Variants in KCNT2 observed in about 807,000 individuals in gnomAD.
KCNT2 encodes potassium sodium-activated channel subfamily T member 2, also known as potassium channel subfamily T member 2.
KCNT2 carries 67 observed loss-of-function variants against 153.8 expected under a neutral mutation model. That is an observed-to-expected ratio of 0.44 (90% CI 0.36 to 0.53). The LOEUF (loss-of-function observed/expected upper bound fraction) is 0.53. KCNT2 is among the 20% of genes least tolerant of loss of function. The pLI, the probability that KCNT2 is intolerant of heterozygous loss-of-function variation, is 0.00. For missense variants in KCNT2, 975 were observed against 1,354.8 expected, an observed-to-expected ratio of 0.72 and a Z score of 4.40; for synonymous variants, 500 against 458.8, an observed-to-expected ratio of 1.09 and a Z score of -1.15.
intron 12 of KCNT2, among the ~76,000 whole-genome samples, chr1:196,412,203 T>C (rs1170757171): frequency 1.3e-5 from 2 of 151,774 alleles, no homozygotes; most frequent in African/African-American, 4.8e-5. Context: ...GTTCTCTTTT[T>C]AATAATTTTC....
At chr1:196,319,182 C>A (rs1367942180) in intron 20 of KCNT2, among the ~76,000 whole-genome samples, 1 of 151,662 alleles carries the variant, frequency 6.6e-6, no homozygotes, top group Non-Finnish European at 1.5e-5. Context: ...TTAGTTTTCT[C>A]TACCACTATG....
intron 1 of KCNT2, among the ~76,000 whole-genome samples, chr1:196,521,976 A>G (rs576059178): frequency 2.6e-5 from 4 of 152,226 alleles, no homozygotes; most frequent in Admixed American, 6.5e-5. Flanking sequence ...ATTAAATTAT[A>G]AAATAAAGAT....
chr1:196,606,515 A>G (rs922702935), intron 1 of KCNT2, among the ~76,000 whole-genome samples: 1 of 152,234 alleles, frequency 6.6e-6, no homozygotes, highest in Non-Finnish European at 1.5e-5. Flanking sequence ...AATTTTAACC[A>G]TTCTGCAAAA....
At chr1:196,399,707 C>T (rs1402523548) in intron 12 of KCNT2, among the ~76,000 whole-genome samples, 2 of 151,776 alleles carry the variant, frequency 1.3e-5, no homozygotes, top group Non-Finnish European at 2.9e-5. Context: ...CCCAAATTTA[C>T]ATGTTGAAAT....
rs528502364 is a variant in KCNT2, at chr1:196,428,747, A to G, written c.820-478T>C. On this transcript the variant is annotated intron_variant, in intron 9 of 27. Transcript: ENST00000294725. ...CAGGAAGAAAGACATGCATGAATTT[A>G]TCGGAGCAGGAAGGCCATTTTTGCA... Among the ~76,000 whole-genome samples the G allele has an allele frequency of 3.9e-5, 6 of 152,220 alleles. No homozygotes were observed. The East Asian group carries it at 7.8e-4, about 20-fold the overall frequency.
intron 1 of KCNT2, among the ~76,000 whole-genome samples, chr1:196,552,948 A>T (rs908056990): frequency 2.0e-5 from 3 of 151,354 alleles, no homozygotes; most frequent in African/African-American, 7.3e-5. Context: ...GCAGGAAATT[A>T]AAGCATACCA....
chr1:196,262,964 T>C (rs1295657182), intron 25 of KCNT2, among the ~76,000 whole-genome samples: 1 of 152,074 alleles, frequency 6.6e-6, no homozygotes, highest in Non-Finnish European at 1.5e-5. Context: ...ACACAAAATT[T>C]ATAAGAACCT....
At chr1:196,433,555 T>C (rs1014221650) in intron 8 of KCNT2, among the ~76,000 whole-genome samples, 1 of 152,088 alleles carries the variant, frequency 6.6e-6, no homozygotes, top group Admixed American at 6.6e-5. Flanking sequence ...GAGAAAATTA[T>C]TGAATTTACA....
intron 14 of KCNT2, among the ~76,000 whole-genome samples, chr1:196,365,986 T>G (rs991423371): frequency 3.3e-5 from 5 of 151,984 alleles, no homozygotes; most frequent in African/African-American, 7.2e-5. Context: ...TTAAATGGGG[T>G]TTATATGGTC....
At chr1:196,579,441 G>T (rs889752032) in intron 1 of KCNT2, among the ~76,000 whole-genome samples, 4 of 151,918 alleles carry the variant, frequency 2.6e-5, no homozygotes, top group Non-Finnish European at 5.9e-5. Flanking sequence ...GTTTACCTAT[G>T]TGACAAACAT....
chr1:196,425,141 A>G (rs1388086759), intron 11 of KCNT2, among the ~76,000 whole-genome samples: 1 of 152,012 alleles, frequency 6.6e-6, no homozygotes, highest in Non-Finnish European at 1.5e-5. Flanking sequence ...TCTGAAACTA[A>G]GGAGACTGTT....
intron 3 of KCNT2, among the ~76,000 whole-genome samples, chr1:196,489,054 A>G (rs972807118): frequency 1.3e-5 from 2 of 151,916 alleles, no homozygotes; most frequent in Non-Finnish European, 2.9e-5. Flanking sequence ...CAAGTCAAAA[A>G]AGTGTGGGTT....
Position 196,356,618 on chromosome 1 carries a change from A to C in KCNT2, c.1404-14390T>G, listed in dbSNP as rs980435274. Among the ~76,000 whole-genome samples the C allele has an allele frequency of 2.0e-5, 3 of 151,972 alleles. No homozygotes were observed. In the East Asian group the frequency reaches 5.8e-4, roughly 29 times the overall value. ...CATTTACTACCCTATTATTGTAGGT[A>C]CTACCTATTGACCTCCTCCTGTAAG... On this transcript the variant is annotated intron_variant, in intron 14 of 27. Transcript: ENST00000294725.
chr1:196,549,921 T>C (rs551410685), intron 1 of KCNT2, among the ~76,000 whole-genome samples: 7 of 151,888 alleles, frequency 4.6e-5, no homozygotes, highest in African/African-American at 1.7e-4. Context: ...TAAGCAGAAA[T>C]AGGCTGAGAA....
At chr1:196,459,386 T>C (rs1294762920) in intron 8 of KCNT2, among the ~76,000 whole-genome samples, 3 of 147,680 alleles carry the variant, frequency 2.0e-5, no homozygotes, top group African/African-American at 7.5e-5. Context: ...CAGACAAAAG[T>C]AAAATAGAAA....
intron 26 of KCNT2, among the ~76,000 whole-genome samples, chr1:196,245,780 A>C (rs940891237): frequency 6.6e-6 from 1 of 152,180 alleles, no homozygotes; most frequent in Non-Finnish European, 1.5e-5. Flanking sequence ...AAAACTGGCT[A>C]TATGAAAGTA....
intron 1 of KCNT2, among the ~76,000 whole-genome samples, chr1:196,533,659 C>A (rs1655209075): frequency 6.6e-6 from 1 of 152,000 alleles, no homozygotes; most frequent in African/African-American, 2.4e-5. Flanking sequence ...AAAAATAATC[C>A]TCAGCTTGGG....
At chr1:196,534,534 G>A (rs78368948) in intron 1 of KCNT2, among the ~76,000 whole-genome samples, 33 of 152,154 alleles carry the variant, frequency 2.2e-4, no homozygotes, top group African/African-American at 7.7e-4. Flanking sequence ...GAAGAAAACA[G>A]GAAGTCCAAG....
chr1:196,463,381 T>G (rs1677323751), intron 8 of KCNT2, among the ~76,000 whole-genome samples: 1 of 151,836 alleles, frequency 6.6e-6, no homozygotes, highest in African/African-American at 2.4e-5. Context: ...TTGCTTGTAA[T>G]GCAGAGAAGA....
Sources: gnomAD v4.1 joint callset for allele counts (sites outside exome capture counted in the v4.1 genomes callset) on GRCh38, gnomAD v4.1.1 for gene constraint, MANE v1.5 for transcripts, NCBI Gene and HGNC (gene_info 2026-07-23, HGNC 2026-07-21) for gene names.